ADARB2: variants seen among roughly 807,000 people sequenced by gnomAD.
The protein encoded by ADARB2 is adenosine deaminase RNA specific B2 (inactive).
A neutral mutation model predicts 62.2 loss-of-function variants in ADARB2; 25 were observed. The ratio of observed to expected loss-of-function variants is 0.40; its 90% CI spans 0.29 to 0.56. The LOEUF is 0.56. Ranked by LOEUF, ADARB2 falls within the 20% of genes least tolerant of loss-of-function variation. ADARB2 has a pLI of 0.43. For missense variants in ADARB2, 1,071 were observed against 1,077.4 expected, an observed-to-expected ratio of 0.99 and a Z score of 0.08; for synonymous variants, 572 against 500.8, an observed-to-expected ratio of 1.14 and a Z score of -1.90.
chr10:1,647,494 C>T (rs761121964), intron 1 of ADARB2, among the ~76,000 whole-genome samples: 7 of 151,816 alleles, frequency 4.6e-5, no homozygotes, highest in Non-Finnish European at 7.4e-5. Flanking sequence ...TGTGTATATA[C>T]ATGTGTATAT....
intron 3 of ADARB2, among the ~76,000 whole-genome samples, chr10:1,344,686 G>A (rs1832062346): frequency 6.6e-6 from 1 of 152,188 alleles, no homozygotes; most frequent in Admixed American, 6.5e-5. Context: ...GTGCTAGGAG[G>A]GTGGTCAGAG....
intron 1 of ADARB2, among the ~76,000 whole-genome samples, chr10:1,428,104 A>G (rs1308934618): frequency 6.8e-6 from 1 of 147,710 alleles, no homozygotes; most frequent in Non-Finnish European, 1.5e-5. Flanking sequence ...CAGAGTAGCT[A>G]GGATTACAGG....
intron 3 of ADARB2, among the ~76,000 whole-genome samples, chr10:1,328,477 TCA>T (rs1460100489): frequency 6.6e-6 from 1 of 152,272 alleles, no homozygotes; most frequent in South Asian, 2.1e-4. Flanking sequence ...CACGTAACGT[TCA>T]GTTATTCCAT....
chr10:1,707,208 G>A (rs912877374), intron 1 of ADARB2, among the ~76,000 whole-genome samples: 3 of 152,324 alleles, frequency 2.0e-5, no homozygotes, highest in Admixed American at 6.5e-5. Flanking sequence ...TCAGCACCGC[G>A]GCCCCGATCT....
chr10:1,200,529 T>A (rs1210898187), intron 7 of ADARB2: 1 of 451,358 alleles, frequency 2.2e-6, no homozygotes, highest in Non-Finnish European at 3.9e-6. Context: ...ATTTGTTTAT[T>A]TTAGTTTAGG....
Position 1,253,813 on chromosome 10 carries a change from G to A in ADARB2, c.1193-11514C>T, listed in dbSNP as rs76186114. Among the ~76,000 whole-genome samples the A allele has an allele frequency of 9.4e-3, 1,438 of 152,336 alleles. 12 individuals are homozygous for A. Among genetic ancestry groups the A allele is most frequent in the Non-Finnish European group, 0.015 (1,019 of 68,026 alleles). The stretch of plus-strand genomic sequence containing the variant: ...CCACTGGCCACGTAAAGGAGGAAGA[G>A]TAGCTGAAGACTGGGAGCAGCCTGC... On this transcript the variant is annotated intron_variant, in intron 4 of 9. Coordinates refer to ENST00000381312, the MANE Select transcript of ADARB2 (RefSeq NM_018702.4).
chr10:1,698,061 A>C (rs1226036123), intron 1 of ADARB2, among the ~76,000 whole-genome samples: 1 of 152,218 alleles, frequency 6.6e-6, no homozygotes, highest in Non-Finnish European at 1.5e-5. Flanking sequence ...CAATGGTTAC[A>C]TATTAATAAA....
intron 1 of ADARB2, among the ~76,000 whole-genome samples, chr10:1,611,551 C>T (rs1196278509): frequency 6.6e-6 from 1 of 152,202 alleles, no homozygotes; most frequent in African/African-American, 2.4e-5. Context: ...GAACTCGGCT[C>T]TCCCCCTCCA....
Position 1,570,769 on chromosome 10 carries a change from C to A in ADARB2, c.100+166282G>T, listed in dbSNP as rs899333080. ...TATTGTAGTGGCTGGGAGGACGGGG[C>A]AGATAGGAACCCACAGGGACAGGGG... On this transcript the variant is annotated intron_variant, in intron 1 of 9. Transcript: ENST00000381312. 3.9e-5 allele frequency among the ~76,000 whole-genome samples: 6 copies of A among 152,052 alleles called. 1 individual carries two copies. The East Asian group carries it at 1.2e-3, about 29-fold the overall frequency.
intron 3 of ADARB2, among the ~76,000 whole-genome samples, chr10:1,351,456 C>CT: frequency 6.6e-6 from 1 of 151,554 alleles, no homozygotes; most frequent in South Asian, 2.1e-4. Context: ...AGACAATACT[C>CT]TTTTAAGTAC....
intron 7 of ADARB2, chr10:1,216,568 T>C: frequency 4.4e-6 from 1 of 229,182 alleles, no homozygotes; most frequent in Non-Finnish European, 8.7e-6. Context: ...GTCAGGTTTT[T>C]GTGGAAAGCC....
intron 3 of ADARB2, among the ~76,000 whole-genome samples, chr10:1,315,392 C>T (rs554510241): frequency 6.6e-6 from 1 of 152,316 alleles, no homozygotes; most frequent in African/African-American, 2.4e-5. Context: ...GCGTCCTGAG[C>T]GTGGCGTTTG....
chr10:1,591,873 A>G (rs988273156), intron 1 of ADARB2, among the ~76,000 whole-genome samples: 30 of 152,220 alleles, frequency 2.0e-4, no homozygotes, highest in African/African-American at 7.2e-4. Context: ...GTGATAAATT[A>G]TTATAATGAA....
chr10:1,409,454 G>T (rs7896241), intron 1 of ADARB2, among the ~76,000 whole-genome samples: 2 of 151,794 alleles, frequency 1.3e-5, no homozygotes, highest in South Asian at 4.2e-4. Flanking sequence ...AGGCCTGGTC[G>T]TGGTCATGGT....
At chr10:1,633,112 C>G (rs1363022569) in intron 1 of ADARB2, among the ~76,000 whole-genome samples, 1 of 151,726 alleles carries the variant, frequency 6.6e-6, no homozygotes, top group Non-Finnish European at 1.5e-5. Context: ...CCTGCTTCTC[C>G]TGCTTCTTCT....
chr10:1,304,403 T>C (rs1831606083), intron 3 of ADARB2, among the ~76,000 whole-genome samples: 1 of 150,570 alleles, frequency 6.6e-6, no homozygotes, highest in African/African-American at 2.4e-5. Context: ...CAAAGAGACT[T>C]AGACTCCCAC....
At chr10:1,415,258 G>T (rs1440244281) in intron 1 of ADARB2, among the ~76,000 whole-genome samples, 4 of 151,706 alleles carry the variant, frequency 2.6e-5, no homozygotes, top group Admixed American at 2.6e-4. Context: ...AAGGGTACAT[G>T]AGTGGTTAGA....
intron 1 of ADARB2, among the ~76,000 whole-genome samples, chr10:1,710,222 T>C (rs754687804): frequency 1.3e-5 from 2 of 151,962 alleles, no homozygotes; most frequent in Non-Finnish European, 2.9e-5. Flanking sequence ...CCCAGAAGAG[T>C]ATATTTAATT....
intron 1 of ADARB2, among the ~76,000 whole-genome samples, chr10:1,675,613 G>A (rs555982615): frequency 3.4e-5 from 5 of 147,130 alleles, no homozygotes; most frequent in African/African-American, 7.5e-5. Context: ...GGGTTGGGGG[G>A]TACATGGATG....
Sources: allele counts gnomAD v4.1 joint callset (sites outside exome capture counted in the v4.1 genomes callset), GRCh38; gene constraint gnomAD v4.1.1; transcripts MANE v1.5; gene names NCBI Gene and HGNC (gene_info 2026-07-23, HGNC 2026-07-21).